The following ROCK1 variants were observed in gnomAD, a reference collection of about 807,000 sequenced individuals.
ROCK1 encodes rho-associated protein kinase 1.
Under a neutral mutation model 196.8 loss-of-function variants are expected in ROCK1, and 36 were observed. That is an observed-to-expected ratio of 0.18 (90% CI 0.14 to 0.24). The LOEUF (loss-of-function observed/expected upper bound fraction) is 0.24. Ranked by LOEUF, ROCK1 falls within the 10% of genes least tolerant of loss-of-function variation. The pLI is 1.00. For synonymous variants in ROCK1, 443 were observed against 515.9 expected, an observed-to-expected ratio of 0.86 and a Z score of 1.91; for missense variants, 920 against 1,562.0, an observed-to-expected ratio of 0.59 and a Z score of 6.93.
intron 9 of ROCK1, among the ~76,000 whole-genome samples, chr18:21,038,622 A>C (rs2036078198): frequency 6.6e-6 from 1 of 152,220 alleles, no homozygotes; most frequent in African/African-American, 2.4e-5. Flanking sequence ...GGCAGTCCTT[A>C]AGACAAATAA....
intron 1 of ROCK1, among the ~76,000 whole-genome samples, chr18:21,089,193 G>A (rs2036550369): frequency 6.6e-6 from 1 of 151,990 alleles, no homozygotes; most frequent in South Asian, 2.1e-4. Flanking sequence ...AAGTAGCTGG[G>A]ATTACAGGGG....
Position 21,013,460 on chromosome 18 carries a change from C to A in ROCK1, c.1410+1971G>T, listed in dbSNP as rs115702623. On this transcript the variant is annotated intron_variant, in intron 13 of 32. Coordinates refer to ENST00000399799, the MANE Select transcript of ROCK1 (RefSeq NM_005406.3). ...CCTTATGTGGCCCCCACAGATGACA[C>A]TGCATTGTGGAGGGGAGCTTGTTAT... Among the ~76,000 whole-genome samples the A allele has an allele frequency of 8.2e-3, 1,255 of 152,326 alleles. 16 individuals carry two copies. The highest frequency in any genetic ancestry group is 0.027 in the African/African-American group (1,142 of 41,572).
chr18:20,993,515 T>TA (rs2035644898), intron 16 of ROCK1, among the ~76,000 whole-genome samples: 2 of 152,204 alleles, frequency 1.3e-5, no homozygotes, highest in Non-Finnish European at 2.9e-5. Context: ...GTGCTCTTTC[T>TA]AACCACATTA....
At chr18:21,055,348 T>C (rs1254034854) in intron 2 of ROCK1, among the ~76,000 whole-genome samples, 1 of 151,248 alleles carries the variant, frequency 6.6e-6, no homozygotes, top group African/African-American at 2.5e-5. Flanking sequence ...TATTTCAAGT[T>C]TTCTTCTTTC....
At chr18:20,985,299 C>G (rs2035568461) in intron 19 of ROCK1, among the ~76,000 whole-genome samples, 1 of 152,182 alleles carries the variant, frequency 6.6e-6, no homozygotes, top group Non-Finnish European at 1.5e-5. Context: ...TTTACAATGG[C>G]CTTCATGATC....
At chr18:21,015,879 C>T in intron 12 of ROCK1, among the ~76,000 whole-genome samples, 1 of 151,090 alleles carries the variant, frequency 6.6e-6, no homozygotes, top group Non-Finnish European at 1.5e-5. Context: ...ATTTGGGAGG[C>T]CAAGGCAGGA....
At chr18:21,054,529 A>AT (rs1333060070) in intron 2 of ROCK1, among the ~76,000 whole-genome samples, 1 of 151,870 alleles carries the variant, frequency 6.6e-6, no homozygotes, top group Non-Finnish European at 1.5e-5. Flanking sequence ...AAAGTGGGAG[A>AT]TCCCCCACAT....
chr18:21,013,454 A>G (rs898553148), intron 13 of ROCK1, among the ~76,000 whole-genome samples: 1 of 152,212 alleles, frequency 6.6e-6, no homozygotes, highest in Non-Finnish European at 1.5e-5. Flanking sequence ...GCCCCCACAG[A>G]TGACACTGCA....
At chr18:21,004,512 T>A (rs182602687) in intron 16 of ROCK1, among the ~76,000 whole-genome samples, 10 of 152,342 alleles carry the variant, frequency 6.6e-5, no homozygotes, top group African/African-American at 1.7e-4. Flanking sequence ...AAGAATAAAC[T>A]AACAATAAAT....
chr18:21,037,519 TAAA>T (rs1226904705), intron 9 of ROCK1, among the ~76,000 whole-genome samples: 5 of 151,866 alleles, frequency 3.3e-5, no homozygotes, highest in Non-Finnish European at 7.4e-5. Flanking sequence ...GGGTGGGAAG[TAAA>T]GAAGGGGTAG....
chr18:21,070,000 A>G (rs1042845862), intron 2 of ROCK1, among the ~76,000 whole-genome samples: 7 of 152,076 alleles, frequency 4.6e-5, no homozygotes, highest in African/African-American at 1.7e-4. Context: ...ATATATAACC[A>G]AAATTGAAAG....
chr18:20,997,255 T>C (rs1439370790), intron 16 of ROCK1, among the ~76,000 whole-genome samples: 6 of 151,806 alleles, frequency 4.0e-5, no homozygotes, highest in African/African-American at 1.5e-4. Flanking sequence ...AAGGTACACA[T>C]AGACATACAC....
At chr18:20,985,286 T>C (rs1385925846) in intron 19 of ROCK1, among the ~76,000 whole-genome samples, 1 of 152,236 alleles carries the variant, frequency 6.6e-6, no homozygotes, top group East Asian at 1.9e-4. Flanking sequence ...ATTCATACAG[T>C]GGTTTACAAT....
At chr18:20,987,686 G>A (rs2035589084) in intron 18 of ROCK1, among the ~76,000 whole-genome samples, 1 of 152,116 alleles carries the variant, frequency 6.6e-6, no homozygotes. Flanking sequence ...CATGTAACTA[G>A]TAAGTTGCCC....
rs1450720656 is a variant in ROCK1 at position 20,992,840 on chromosome 18, G to A, written c.1983C>T (p.His661=). 1 of 1,585,184 alleles carries A rather than the reference G, an allele frequency of 6.3e-7. No individual in the cohort carries two copies. The change falls in exon 17 of 33, where the codon CAC becomes CAT. Residue 661 remains histidine, a synonymous_variant. Coordinates refer to ENST00000399799, the MANE Select transcript of ROCK1 (RefSeq NM_005406.3). The part of the protein sequence containing the change: ...ERKEAQDMLN[H]SEKEKNNLEI... The stretch of plus-strand genomic sequence containing the variant: ...ATGTTAAATCATTTACCTTTTCTGA[G>A]TGATTAAGCATGTCTTGAGCCTCTT...
At chr18:21,107,013 T>C (rs2036708763) in intron 1 of ROCK1, among the ~76,000 whole-genome samples, 1 of 152,210 alleles carries the variant, frequency 6.6e-6, no homozygotes, top group Admixed American at 6.5e-5. Context: ...TAAGATACCC[T>C]GGGGATGGGG....
chr18:21,058,711 C>T (rs559222616), intron 2 of ROCK1, among the ~76,000 whole-genome samples: 1 of 152,184 alleles, frequency 6.6e-6, no homozygotes, highest in Admixed American at 6.5e-5. Flanking sequence ...TCCCAAGTAG[C>T]CGGGACTATA....
intron 22 of ROCK1, among the ~76,000 whole-genome samples, chr18:20,977,295 C>G (rs555726804): frequency 6.6e-6 from 1 of 152,282 alleles, no homozygotes; most frequent in East Asian, 1.9e-4. Context: ...ATATTTTAAA[C>G]TCTTCAGCAT....
chr18:21,002,907 ATTTT>A (rs535525408), intron 16 of ROCK1, among the ~76,000 whole-genome samples: 15 of 151,940 alleles, frequency 9.9e-5, no homozygotes, highest in Admixed American at 3.3e-4. Context: ...TACCTCGCTA[ATTTT>A]TTATTTTTTG....
Sources: allele counts gnomAD v4.1 joint callset (sites outside exome capture counted in the v4.1 genomes callset), GRCh38; gene constraint gnomAD v4.1.1; transcripts MANE v1.5; gene names NCBI Gene and HGNC (gene_info 2026-07-23, HGNC 2026-07-21).